Variants in CAMKMT observed in about 807,000 individuals in gnomAD.
CAMKMT encodes the protein CaM KMT.
A neutral mutation model predicts 48.0 loss-of-function variants in CAMKMT; 53 were observed. The ratio of observed to expected loss-of-function variants is 1.10; its 90% CI spans 0.89 to 1.39. CAMKMT has a LOEUF of 1.39. Among genes scored for constraint, CAMKMT ranks in the 40% most tolerant of loss-of-function variants. CAMKMT has a pLI of 0.00. For missense variants in CAMKMT, 428 were observed against 402.7 expected, an observed-to-expected ratio of 1.06 and a Z score of -0.54; for synonymous variants, 165 against 152.3, an observed-to-expected ratio of 1.08 and a Z score of -0.61.
At chr2:44,519,031 C>T (rs965902877) in intron 3 of CAMKMT, among the ~76,000 whole-genome samples, 1 of 152,164 alleles carries the variant, frequency 6.6e-6, no homozygotes, top group Non-Finnish European at 1.5e-5. Context: ...ACTTTACTAA[C>T]CTGCTTTTAG....
At chr2:44,619,714 C>T (rs903380798) in intron 3 of CAMKMT, among the ~76,000 whole-genome samples, 22 of 152,136 alleles carry the variant, frequency 1.4e-4, no homozygotes, top group Non-Finnish European at 5.9e-5. Flanking sequence ...ACAGTGGTTA[C>T]GTCCTTTTTG....
At chr2:44,725,851 TC>T (rs762262441) in intron 7 of CAMKMT, among the ~76,000 whole-genome samples, 1 of 151,956 alleles carries the variant, frequency 6.6e-6, no homozygotes, top group Non-Finnish European at 1.5e-5. Flanking sequence ...TTTTTTTTTT[TC>T]AACTTTTATT....
At chr2:44,586,670 G>A (rs1002490548) in intron 3 of CAMKMT, among the ~76,000 whole-genome samples, 5 of 152,094 alleles carry the variant, frequency 3.3e-5, no homozygotes, top group African/African-American at 9.7e-5. Flanking sequence ...GTAGTATTCT[G>A]TTGTGTGCAG....
intron 1 of CAMKMT, among the ~76,000 whole-genome samples, chr2:44,370,582 T>A (rs180681685): frequency 7.2e-5 from 11 of 152,312 alleles, no homozygotes; most frequent in Non-Finnish European, 1.0e-4. Flanking sequence ...TTTATCAATC[T>A]TTTCAAAGAA....
intron 3 of CAMKMT, among the ~76,000 whole-genome samples, chr2:44,640,402 C>A (rs1041769235): frequency 2.0e-5 from 3 of 152,122 alleles, no homozygotes; most frequent in African/African-American, 7.2e-5. Context: ...AGGTGCAAAA[C>A]ATAGGAATGT....
chr2:44,681,490 C>G (rs767651913), intron 3 of CAMKMT, among the ~76,000 whole-genome samples: 1 of 151,222 alleles, frequency 6.6e-6, no homozygotes, highest in Non-Finnish European at 1.5e-5. Context: ...CTTATTTGCT[C>G]AGGCAGAGGA....
At chr2:44,428,691 ATGTC>A (rs1232599288) in intron 3 of CAMKMT, among the ~76,000 whole-genome samples, 2 of 152,192 alleles carry the variant, frequency 1.3e-5, no homozygotes, top group African/African-American at 4.8e-5. Context: ...ATATGTATGT[ATGTC>A]TGTATGTATG....
intron 3 of CAMKMT, among the ~76,000 whole-genome samples, chr2:44,673,656 A>G (rs776646696): frequency 2.0e-5 from 3 of 152,148 alleles, no homozygotes; most frequent in Non-Finnish European, 4.4e-5. Context: ...ACTTGCTGCA[A>G]AACCTAGAAA....
chr2:44,364,641 C>G (rs568966929), intron 1 of CAMKMT, among the ~76,000 whole-genome samples: 2 of 152,236 alleles, frequency 1.3e-5, no homozygotes, highest in East Asian at 1.9e-4. Context: ...GCACCTAGTC[C>G]TTAGTGTATT....
rs1487344211 is a variant in CAMKMT, at chr2:44,445,775, C to G, written c.376+55470C>G. ...TTTTTGAGTTGTCCTCAGCCCCCTC[C>G]TCTTGTTTCATTTTAATACATGTTT... On this transcript the variant is annotated intron_variant, in intron 3 of 10. Coordinates refer to ENST00000378494, the MANE Select transcript of CAMKMT (RefSeq NM_024766.5). Among the ~76,000 whole-genome samples, 4 of 147,968 alleles carry G rather than the reference C, an allele frequency of 2.7e-5. No homozygotes were observed. The South Asian group carries it at 6.4e-4, about 24-fold the overall frequency.
chr2:44,458,997 G>T (rs942207059), intron 3 of CAMKMT, among the ~76,000 whole-genome samples: 3 of 151,676 alleles, frequency 2.0e-5, no homozygotes, highest in Admixed American at 2.0e-4. Flanking sequence ...TTAAGTGACA[G>T]ATAAACAAAT....
intron 3 of CAMKMT, among the ~76,000 whole-genome samples, chr2:44,617,355 T>C (rs1671949137): frequency 6.6e-6 from 1 of 152,198 alleles, no homozygotes; most frequent in South Asian, 2.1e-4. Context: ...ATTGTTGAAT[T>C]GCCAACAAAA....
chr2:44,700,873 A>G (rs1677220781), intron 3 of CAMKMT, among the ~76,000 whole-genome samples: 1 of 152,224 alleles, frequency 6.6e-6, no homozygotes, highest in South Asian at 2.1e-4. Flanking sequence ...AAAACTGTAG[A>G]TATGCAGCAT....
intron 3 of CAMKMT, among the ~76,000 whole-genome samples, chr2:44,502,610 T>C (rs1024205789): frequency 6.6e-6 from 1 of 152,186 alleles, no homozygotes; most frequent in Non-Finnish European, 1.5e-5. Context: ...AGGAGAACAT[T>C]TCAAGACATA....
In CAMKMT at chr2:44,516,426, A is replaced by AG. The variant is rs200604125; in HGVS notation, c.376+126123dup. ...GGGACAGAGGACATGGATGAAAGAG[A>AG]GGTTTGTCTTTACTGCCTAGTGAAT... On this transcript the variant is annotated intron_variant, in intron 3 of 10. Transcript: ENST00000378494. Among the ~76,000 whole-genome samples, 22 of 152,180 alleles carry AG rather than the reference A, an allele frequency of 1.4e-4. No homozygotes were observed. The East Asian group carries it at 3.7e-3, about 25-fold the overall frequency.
intron 3 of CAMKMT, among the ~76,000 whole-genome samples, chr2:44,592,874 C>T (rs1012773958): frequency 7.9e-5 from 12 of 152,138 alleles, no homozygotes; most frequent in African/African-American, 2.2e-4. Flanking sequence ...ACTGGCATTT[C>T]AGAATACTGT....
At chr2:44,700,235 T>C (rs534323572) in intron 3 of CAMKMT, among the ~76,000 whole-genome samples, 3 of 152,348 alleles carry the variant, frequency 2.0e-5, no homozygotes, top group Admixed American at 6.5e-5. Context: ...TAAGAGAACG[T>C]TGTGGCTGGT....
chr2:44,640,012 C>G (rs1044350740), intron 3 of CAMKMT, among the ~76,000 whole-genome samples: 1 of 152,162 alleles, frequency 6.6e-6, no homozygotes, highest in Non-Finnish European at 1.5e-5. Flanking sequence ...ATCAAGTACC[C>G]AGCAAATACC....
chr2:44,542,541 T>A lies in CAMKMT; in HGVS notation c.376+152236T>A, dbSNP rs62135376. ...CACACACACACACACACACACACTC[T>A]CTCTCTCTCTCTCTCTTTCTCTCTC... On this transcript the variant is annotated intron_variant, in intron 3 of 10. Transcript: ENST00000378494. Among the ~76,000 whole-genome samples the A allele has an allele frequency of 4.1e-3, 247 of 59,878 alleles. 1 individual carries two copies. The highest frequency in any genetic ancestry group is 6.3e-3 in the African/African-American group (161 of 25,534). 39.3% of individuals were successfully genotyped at this position (59,878 alleles called of 152,430 possible).
Sources: allele counts gnomAD v4.1 joint callset (sites outside exome capture counted in the v4.1 genomes callset), GRCh38; gene constraint gnomAD v4.1.1; transcripts MANE v1.5; gene names NCBI Gene and HGNC (gene_info 2026-07-23, HGNC 2026-07-21).